ASIC2: variants seen among roughly 807,000 people sequenced by gnomAD.
ASIC2 encodes acid sensing ion channel subunit 2, also known as acid-sensing ion channel 2.
ASIC2 carries 25 observed loss-of-function variants against 57.3 expected under a neutral mutation model. The ratio of observed to expected loss-of-function variants is 0.44; its 90% CI spans 0.32 to 0.61. ASIC2 has a LOEUF of 0.61. Ranked by LOEUF, ASIC2 falls within the 20% of genes least tolerant of loss-of-function variation. ASIC2 has a pLI of 0.06. For synonymous variants in ASIC2, 319 were observed against 307.5 expected, an observed-to-expected ratio of 1.04 and a Z score of -0.39; for missense variants, 641 against 738.1, an observed-to-expected ratio of 0.87 and a Z score of 1.52.
At chr17:33,952,594 C>G (rs184325160) in intron 1 of ASIC2, among the ~76,000 whole-genome samples, 2 of 152,124 alleles carry the variant, frequency 1.3e-5, no homozygotes, top group African/African-American at 2.4e-5. Flanking sequence ...TCACTGAACT[C>G]GTCCAAATAC....
At chr17:33,996,377 T>C (rs1489507006) in intron 1 of ASIC2, among the ~76,000 whole-genome samples, 1 of 152,224 alleles carries the variant, frequency 6.6e-6, no homozygotes. Flanking sequence ...TGTCTAGTTT[T>C]GCTTTTGTTA....
chr17:33,492,579 A>G (rs1244940921), intron 1 of ASIC2, among the ~76,000 whole-genome samples: 1 of 152,198 alleles, frequency 6.6e-6, no homozygotes, highest in Non-Finnish European at 1.5e-5. Flanking sequence ...CACCTTGTTG[A>G]GTGAACATAC....
chr17:33,712,888 G>A (rs1049693549), intron 1 of ASIC2, among the ~76,000 whole-genome samples: 16 of 151,728 alleles, frequency 1.1e-4, no homozygotes, highest in African/African-American at 3.6e-4. Context: ...CTCGTGATCC[G>A]CCCGCCTCGG....
intron 1 of ASIC2, chr17:34,004,092 C>A (rs1434558812): frequency 6.6e-6 from 1 of 152,126 alleles, no homozygotes; most frequent in African/African-American, 2.4e-5. Flanking sequence ...TATGGTGGGA[C>A]CCTTTGGATG....
intron 1 of ASIC2, among the ~76,000 whole-genome samples, chr17:33,490,896 T>C (rs1474109336): frequency 3.3e-5 from 5 of 152,214 alleles, no homozygotes; most frequent in African/African-American, 1.2e-4. Context: ...TGTGTTTGTC[T>C]TGGTCCTATT....
chr17:33,411,734 T>A (rs17185000), intron 1 of ASIC2, among the ~76,000 whole-genome samples: 14,563 of 152,270 alleles, frequency 0.096, 815 homozygotes, highest in Non-Finnish European at 0.13. Context: ...AGCTTTACCA[T>A]TGACTGACTG....
At chr17:33,619,140 G>A (rs1024232223) in intron 1 of ASIC2, among the ~76,000 whole-genome samples, 5 of 152,084 alleles carry the variant, frequency 3.3e-5, no homozygotes, top group Non-Finnish European at 5.9e-5. Flanking sequence ...CTATACACAG[G>A]TACTTGAATC....
At chr17:33,183,340 A>C in intron 1 of ASIC2, among the ~76,000 whole-genome samples, 1 of 152,260 alleles carries the variant, frequency 6.6e-6, no homozygotes, top group East Asian at 1.9e-4. Flanking sequence ...AAAGAGTGCA[A>C]ATAATGAATA....
intron 1 of ASIC2, among the ~76,000 whole-genome samples, chr17:33,846,717 C>T (rs1044698604): frequency 6.6e-6 from 1 of 151,570 alleles, no homozygotes; most frequent in Non-Finnish European, 1.5e-5. Context: ...CTAAGATTCT[C>T]AGTGATAACT....
chr17:34,115,727 C>T (rs1421875227), intron 1 of ASIC2, among the ~76,000 whole-genome samples: 1 of 152,138 alleles, frequency 6.6e-6, no homozygotes, highest in Non-Finnish European at 1.5e-5. Context: ...CTTCCCTCTT[C>T]TGGATAATGT....
intron 1 of ASIC2, among the ~76,000 whole-genome samples, chr17:33,672,557 T>A (rs940125785): frequency 2.6e-5 from 4 of 152,192 alleles, no homozygotes; most frequent in African/African-American, 9.7e-5. Flanking sequence ...TGGCTAAAGA[T>A]GGGCATGGTC....
At chr17:33,637,781 C>T (rs746653277) in intron 1 of ASIC2, among the ~76,000 whole-genome samples, 5 of 152,112 alleles carry the variant, frequency 3.3e-5, no homozygotes, top group Non-Finnish European at 7.4e-5. Flanking sequence ...TTCACTGAGC[C>T]CGTGGTATTA....
intron 1 of ASIC2, among the ~76,000 whole-genome samples, chr17:33,702,211 T>G (rs1474936081): frequency 6.6e-6 from 1 of 152,198 alleles, no homozygotes; most frequent in Non-Finnish European, 1.5e-5. Context: ...TGGTGATACC[T>G]CTCCCAATTG....
chr17:33,302,173 C>A (rs968953078), intron 1 of ASIC2, among the ~76,000 whole-genome samples: 1 of 152,158 alleles, frequency 6.6e-6, no homozygotes, highest in East Asian at 1.9e-4. Flanking sequence ...GTGGTCATAA[C>A]GTTAGCAGAG....
chr17:33,718,958 A>G (rs971809406), intron 1 of ASIC2, among the ~76,000 whole-genome samples: 6 of 152,186 alleles, frequency 3.9e-5, no homozygotes, highest in African/African-American at 1.4e-4. Context: ...ACCTGGAGGA[A>G]GACCCTTGTC....
intron 1 of ASIC2, among the ~76,000 whole-genome samples, chr17:33,211,427 G>A (rs140948763): frequency 8.4e-4 from 128 of 151,902 alleles, no homozygotes; most frequent in African/African-American, 2.7e-3. Context: ...ATTAACCAGC[G>A]CACGCTAGGT....
chr17:33,286,206 T>C (rs549360777), intron 1 of ASIC2, among the ~76,000 whole-genome samples: 6 of 152,322 alleles, frequency 3.9e-5, no homozygotes, highest in African/African-American at 1.4e-4. Context: ...TGTGACAAAA[T>C]GTGATGAAAC....
At chr17:33,870,231 T>G (rs1199291434) in intron 1 of ASIC2, among the ~76,000 whole-genome samples, 1 of 129,158 alleles carries the variant, frequency 7.7e-6, no homozygotes, top group Non-Finnish European at 1.7e-5. Flanking sequence ...TCTGTTTTTT[T>G]TTTTTTTTTT....
chr17:33,741,758 C>A (rs534563789), intron 1 of ASIC2, among the ~76,000 whole-genome samples: 1 of 152,236 alleles, frequency 6.6e-6, no homozygotes, highest in Non-Finnish European at 1.5e-5. Flanking sequence ...CCAGCCCCAG[C>A]ACCAGCCTAC....
Sources: gnomAD v4.1 joint callset for allele counts (sites outside exome capture counted in the v4.1 genomes callset) on GRCh38, gnomAD v4.1.1 for gene constraint, MANE v1.5 for transcripts, NCBI Gene and HGNC (gene_info 2026-07-23, HGNC 2026-07-21) for gene names.